The following BBS9 variants were observed in gnomAD, a reference collection of about 807,000 sequenced individuals.
BBS9 encodes Bardet-Biedl syndrome 9.
In BBS9, 89 loss-of-function variants were observed where a neutral mutation model predicts 117.7. The ratio of observed to expected loss-of-function variants is 0.76; its 90% CI spans 0.64 to 0.90. The LOEUF (loss-of-function observed/expected upper bound fraction) is 0.90. Among genes scored for constraint, BBS9 ranks in the 40% least tolerant of loss-of-function variants. The pLI, the probability that BBS9 is intolerant of heterozygous loss-of-function variation, is 0.00. For synonymous variants in BBS9, 379 were observed against 370.9 expected, an observed-to-expected ratio of 1.02 and a Z score of -0.25; for missense variants, 982 against 1,042.2, an observed-to-expected ratio of 0.94 and a Z score of 0.80.
intron 19 of BBS9, among the ~76,000 whole-genome samples, chr7:33,446,760 T>C (rs1053837686): frequency 6.6e-6 from 1 of 152,216 alleles, no homozygotes; most frequent in Admixed American, 6.5e-5. Flanking sequence ...GTGAGCAATA[T>C]TAGCGAAAGA....
rs1164458536 is a variant in BBS9, at chr7:33,605,805, G to C, written c.*579G>C. ...ACTTTCATGTGATTTGTTCTATTAA[G>C]CTAAACGTGGAAGAAGGGAAGTTTT... is the stretch of plus-strand genomic sequence containing the variant. On this transcript the variant is annotated 3_prime_UTR_variant, in exon 23 of 23. Transcript: ENST00000242067. 6.4e-6 allele frequency: 1 copy of C among 155,414 alleles called. No homozygotes were observed. The highest frequency in any genetic ancestry group is 3.4e-3 in the Middle Eastern group (1 of 294). 9.6% of individuals were successfully genotyped at this position (155,414 alleles called of 1,614,324 possible). A position where few individuals can be genotyped will look rare whatever the true frequency, so the allele number is the denominator to read the frequency against.
intron 9 of BBS9, among the ~76,000 whole-genome samples, chr7:33,324,174 G>A (rs141528144): frequency 6.6e-6 from 1 of 152,008 alleles, no homozygotes; most frequent in South Asian, 2.1e-4. Context: ...TCTTTCTCTG[G>A]TGGTACATTT....
intron 21 of BBS9, among the ~76,000 whole-genome samples, chr7:33,567,185 G>A (rs952708956): frequency 1.3e-5 from 2 of 152,088 alleles, no homozygotes; most frequent in East Asian, 1.9e-4. Flanking sequence ...ATCTTTGTGC[G>A]TTTTCATTCT....
chr7:33,351,221 C>A lies in BBS9; in HGVS notation c.1435C>A (p.Pro479Thr). The stretch of plus-strand genomic sequence containing the variant: ...TATTATTTTTACATTGCTTATAGCA[C>A]CAGATTTGACTAGAACAGTAAGCTT... ...CDQFTFEFMT[P>T]DLTRTVSFSV... The change falls in exon 14 of 23, where the codon CCA (proline) becomes ACA (threonine). Residue 479 changes from proline to threonine, a missense_variant and splice_region_variant. Physicochemically the swap from Pro to Thr is conservative, Grantham distance 38. Coordinates refer to ENST00000242067, the MANE Select transcript of BBS9 (RefSeq NM_198428.3). The A allele has an allele frequency of 1.3e-6, 2 of 1,596,498 alleles. No individual in the cohort carries two copies. Among genetic ancestry groups the A allele is most frequent in the Non-Finnish European group, 1.7e-6 (2 of 1,164,284 alleles).
chr7:33,385,778 C>T (rs1224613899), intron 18 of BBS9, among the ~76,000 whole-genome samples: 1 of 151,556 alleles, frequency 6.6e-6, no homozygotes, highest in African/African-American at 2.4e-5. Context: ...TAAATTATAG[C>T]AGTAAATTAT....
At chr7:33,600,987 T>C (rs1167236303) in intron 21 of BBS9, among the ~76,000 whole-genome samples, 2 of 152,142 alleles carry the variant, frequency 1.3e-5, no homozygotes, top group South Asian at 2.1e-4. Context: ...ACAAACTTCC[T>C]TGGAGGTGAG....
Position 33,193,421 on chromosome 7 carries a change from CCTT to C in BBS9, c.442+15831_442+15833del, listed in dbSNP as rs751880426. On this transcript the variant is annotated intron_variant, in intron 5 of 22. Transcript: ENST00000242067. The stretch of plus-strand genomic sequence containing the variant: ...TTGTCTTCCCCTGTCCCTCTCTCTG[CCTT>C]TTTTTTTTTTTTTTTTTGTAGTATG... Among the ~76,000 whole-genome samples, 364 of 67,786 alleles carry C rather than the reference CCTT, an allele frequency of 5.4e-3. 2 individuals carry two copies. The highest frequency in any genetic ancestry group is 0.016 in the African/African-American group (304 of 18,630). 44.5% of individuals were successfully genotyped at this position (67,786 alleles called of 152,430 possible).
At chr7:33,510,687 A>G (rs1846818996) in intron 20 of BBS9, among the ~76,000 whole-genome samples, 1 of 152,202 alleles carries the variant, frequency 6.6e-6, no homozygotes, top group African/African-American at 2.4e-5. Flanking sequence ...ATTTAAATAA[A>G]AAGAAATAAG....
chr7:33,540,690 A>AT (rs1471523365), intron 21 of BBS9, among the ~76,000 whole-genome samples: 1 of 152,180 alleles, frequency 6.6e-6, no homozygotes, highest in Non-Finnish European at 1.5e-5. Context: ...AGGAAAATTA[A>AT]TTTTTTTCAA....
At position 33,442,731 on chromosome 7, in the gene BBS9, A is replaced by G. The variant is rs113924921; in HGVS notation, c.2115+54587A>G. ...TATAAGGATTATTGTTCCTCAAAGA[A>G]GGTGTATGCATTAAGCATAATGTGA... is the stretch of plus-strand genomic sequence containing the variant. On this transcript the variant is annotated intron_variant, in intron 19 of 22. Coordinates refer to ENST00000242067, the MANE Select transcript of BBS9 (RefSeq NM_198428.3). Among the ~76,000 whole-genome samples the G allele has an allele frequency of 2.1e-3, 318 of 152,314 alleles. 6 individuals carry two copies. The South Asian group carries it at 0.038, about 18-fold the overall frequency.
chr7:33,608,822 G>A (rs1204778908), downstream of BBS9, among the ~76,000 whole-genome samples: 1 of 152,038 alleles, frequency 6.6e-6, no homozygotes, highest in Non-Finnish European at 1.5e-5. Context: ...TTTTTACTCT[G>A]TTGATAGTGT....
chr7:33,286,588 G>C (rs1802938127), intron 9 of BBS9, among the ~76,000 whole-genome samples: 1 of 152,088 alleles, frequency 6.6e-6, no homozygotes, highest in Admixed American at 6.6e-5. Flanking sequence ...GGGTTCCTGA[G>C]AATTCTGGGA....
intron 1 of BBS9, among the ~76,000 whole-genome samples, chr7:33,134,817 A>G (rs2128058314): frequency 6.6e-6 from 1 of 152,144 alleles, no homozygotes; most frequent in African/African-American, 2.4e-5. Context: ...GCTCTTCTCA[A>G]TCTCTCAGGC....
At chr7:33,464,307 A>G (rs1390645241) in intron 19 of BBS9, among the ~76,000 whole-genome samples, 1 of 152,114 alleles carries the variant, frequency 6.6e-6, no homozygotes, top group African/African-American at 2.4e-5. Context: ...TAAGGGTTGT[A>G]GATCAGAAGA....
chr7:33,345,920 A>G lies in BBS9; in HGVS notation c.1329+1286A>G, dbSNP rs79206348. 5.4e-4 allele frequency among the ~76,000 whole-genome samples: 83 copies of G among 152,334 alleles called. 1 individual carries two copies. The East Asian group carries it at 0.013, about 25-fold the overall frequency. On this transcript the variant is annotated intron_variant, in intron 12 of 22. Coordinates refer to ENST00000242067, the MANE Select transcript of BBS9 (RefSeq NM_198428.3). ...CAGCCAACCAGGAATTAGCACCGTAAGTAAACATACCTTTCCCTCCCATGC... is the reference window on the plus strand; with the variant it reads ...CAGCCAACCAGGAATTAGCACCGTAGGTAAACATACCTTTCCCTCCCATGC...
At position 33,251,169 on chromosome 7, in the gene BBS9, T is replaced by C. The variant is rs115527063; in HGVS notation, c.443-6067T>C. On this transcript the variant is annotated intron_variant, in intron 5 of 22. Coordinates refer to ENST00000242067, the MANE Select transcript of BBS9 (RefSeq NM_198428.3). ...AGGAAGATTTGGCTCCAGGTGAGGC[T>C]TGATGCACTGGCTCAAACAGTGTCT... 8.1e-3 allele frequency among the ~76,000 whole-genome samples: 1,231 copies of C among 152,308 alleles called. 20 individuals are homozygous for C. Among genetic ancestry groups the C allele is most frequent in the African/African-American group, 0.028 (1,176 of 41,566 alleles).
chr7:33,184,361 C>A (rs1798519482), intron 5 of BBS9, among the ~76,000 whole-genome samples: 1 of 152,174 alleles, frequency 6.6e-6, no homozygotes, highest in Admixed American at 6.5e-5. Flanking sequence ...CTAATCCCCC[C>A]ACAGCCATCA....
chr7:33,612,044 T>G (rs2129215017), intron 21 of BBS9, among the ~76,000 whole-genome samples: 1 of 151,604 alleles, frequency 6.6e-6, no homozygotes, highest in African/African-American at 2.4e-5. Flanking sequence ...CATCTCTCCC[T>G]TATCTTCTAT....
chr7:33,596,359 TTATCTATCTATC>T (rs140019958), intron 21 of BBS9, among the ~76,000 whole-genome samples: 52 of 144,914 alleles, frequency 3.6e-4, no homozygotes, highest in Non-Finnish European at 5.4e-4. Flanking sequence ...TGATATATAA[TTATCTATCTATC>T]TATCTATCTA....
Sources: allele counts gnomAD v4.1 joint callset (sites outside exome capture counted in the v4.1 genomes callset), GRCh38; gene constraint gnomAD v4.1.1; transcripts MANE v1.5; gene names NCBI Gene and HGNC (gene_info 2026-07-23, HGNC 2026-07-21).